The following DGKB variants were observed in gnomAD, a reference collection of about 807,000 sequenced individuals.
DGKB encodes diacylglycerol kinase beta.
DGKB carries 67 observed loss-of-function variants against 114.3 expected under a neutral mutation model. That is an observed-to-expected ratio of 0.59 (90% CI 0.48 to 0.72). DGKB has a LOEUF of 0.72. Ranked by LOEUF, DGKB falls within the 30% of genes least tolerant of loss-of-function variation. The pLI is 0.00. For synonymous variants in DGKB, 398 were observed against 323.1 expected, an observed-to-expected ratio of 1.23 and a Z score of -2.49; for missense variants, 907 against 975.2, an observed-to-expected ratio of 0.93 and a Z score of 0.93.
chr7:14,814,672 AACGTTAT>A (rs1843867813), intron 2 of DGKB, among the ~76,000 whole-genome samples: 1 of 152,154 alleles, frequency 6.6e-6, no homozygotes, highest in Non-Finnish European at 1.5e-5. Flanking sequence ...TCAACTGACA[AACGTTAT>A]TTTTCTCTGA....
intron 17 of DGKB, among the ~76,000 whole-genome samples, chr7:14,585,736 C>T (rs1055896149): frequency 1.3e-5 from 2 of 152,204 alleles, no homozygotes; most frequent in African/African-American, 4.8e-5. Flanking sequence ...TGTTTTCCAA[C>T]AGCACATGCT....
At position 14,718,642 on chromosome 7, in the gene DGKB, A is replaced by T. The variant is rs1280027532; in HGVS notation, c.366T>A (p.Thr122=). The change falls in exon 6 of 26, where the codon ACT becomes ACA. Residue 122 remains threonine, a synonymous_variant. Coordinates refer to ENST00000402815, the MANE Select transcript of DGKB (RefSeq NM_001350709.2). ...NKGAITPPRT[T]SPANTCSPEV... ...CTGGGGAACACGTATTTGCAGGAGA[A>T]GTAGTCCGGGGAGGGGTGATGGCAC... 2 of 1,612,736 alleles carry T rather than the reference A, an allele frequency of 1.2e-6. No individual in the cohort carries two copies. The highest frequency in any genetic ancestry group is 1.7e-5 in the Admixed American group (1 of 59,934).
chr7:14,938,400 C>A (rs1449706864), intron 1 of DGKB, among the ~76,000 whole-genome samples: 1 of 152,162 alleles, frequency 6.6e-6, no homozygotes, highest in Non-Finnish European at 1.5e-5. Flanking sequence ...CAATTAGGCA[C>A]TGAGTTTCCT....
chr7:14,560,929 T>C (rs1259841689), intron 20 of DGKB, among the ~76,000 whole-genome samples: 5 of 152,192 alleles, frequency 3.3e-5, no homozygotes, highest in African/African-American at 9.7e-5. Flanking sequence ...TTGATGTGAA[T>C]TTCCCTGATG....
chr7:14,627,569 T>C (rs1293572382), intron 14 of DGKB, among the ~76,000 whole-genome samples: 1 of 143,000 alleles, frequency 7.0e-6, no homozygotes, highest in Non-Finnish European at 1.5e-5. Context: ...TATAAAATAA[T>C]GTGTGTATGT....
chr7:14,255,453 T>A (rs925464471), intron 23 of DGKB, among the ~76,000 whole-genome samples: 4 of 152,122 alleles, frequency 2.6e-5, no homozygotes, highest in Non-Finnish European at 5.9e-5. Context: ...TGGCCCCTAA[T>A]TAAGTGGGAA....
chr7:14,418,735 T>TCATTAGCAA (rs1197834291), intron 21 of DGKB, among the ~76,000 whole-genome samples: 1 of 142,588 alleles, frequency 7.0e-6, no homozygotes. Context: ...TAGGTTAATT[T>TCATTAGCAA]CATTAGCATT....
chr7:14,746,502 T>G (rs899162778), intron 4 of DGKB, among the ~76,000 whole-genome samples: 1 of 152,160 alleles, frequency 6.6e-6, no homozygotes, highest in African/African-American at 2.4e-5. Flanking sequence ...ATTTTCCTTT[T>G]TTTATTTTTT....
upstream of DGKB, among the ~76,000 whole-genome samples, chr7:14,905,606 C>T (rs983944734): frequency 5.3e-5 from 8 of 152,056 alleles, no homozygotes; most frequent in African/African-American, 1.2e-4. Context: ...TATATAGAAA[C>T]GAATCATATT....
chr7:14,972,395 A>G (rs1328548065), intron 1 of DGKB, among the ~76,000 whole-genome samples: 1 of 152,184 alleles, frequency 6.6e-6, no homozygotes, highest in Admixed American at 6.6e-5. Context: ...TTTATAAGCA[A>G]CAATTTTTAT....
chr7:14,195,193 T>G (rs539302907), intron 23 of DGKB, among the ~76,000 whole-genome samples: 2 of 152,312 alleles, frequency 1.3e-5, no homozygotes, highest in South Asian at 4.1e-4. Flanking sequence ...TCACTTGTTT[T>G]CTGTGTGAAT....
upstream of DGKB, among the ~76,000 whole-genome samples, chr7:14,907,729 G>GGCA (rs1225096428): frequency 6.6e-6 from 1 of 152,250 alleles, no homozygotes; most frequent in East Asian, 1.9e-4. Context: ...GATTCTTAGG[G>GGCA]GCAGCAAGCT....
intron 20 of DGKB, among the ~76,000 whole-genome samples, chr7:14,503,060 T>C (rs751877989): frequency 2.0e-5 from 3 of 152,128 alleles, no homozygotes; most frequent in African/African-American, 7.2e-5. Flanking sequence ...TTCTCCCTTG[T>C]GATTTATGCC....
chr7:14,589,208 T>C (rs1236448301), intron 17 of DGKB, among the ~76,000 whole-genome samples: 3 of 152,032 alleles, frequency 2.0e-5, no homozygotes, highest in African/African-American at 7.2e-5. Flanking sequence ...TGCTGGCATA[T>C]ATAAACATAT....
intron 21 of DGKB, among the ~76,000 whole-genome samples, chr7:14,421,300 C>T (rs1563149081): frequency 6.6e-6 from 1 of 151,954 alleles, no homozygotes; most frequent in Non-Finnish European, 1.5e-5. Context: ...CTGTTCAAAT[C>T]CTTGTTCAAT....
chr7:14,967,457 A>C (rs1371092324), intron 1 of DGKB, among the ~76,000 whole-genome samples: 1 of 151,860 alleles, frequency 6.6e-6, no homozygotes, highest in Non-Finnish European at 1.5e-5. Flanking sequence ...AGTAGCTGGG[A>C]TTGTAGGCAT....
rs1437288045 is a variant in DGKB, at chr7:14,758,923, AGAT to A, written c.71-1195_71-1193del. On this transcript the variant is annotated intron_variant, in intron 2 of 25. Coordinates refer to ENST00000402815, the MANE Select transcript of DGKB (RefSeq NM_001350709.2). ...TAGATAGATAGATAGATAGATAGAT[AGAT>A]AGATAGATACATAGATAGATAGAGT... 1.8e-3 allele frequency among the ~76,000 whole-genome samples: 270 copies of A among 149,906 alleles called. 1 individual carries two copies. Among genetic ancestry groups the A allele is most frequent in the African/African-American group, 6.8e-3 (266 of 39,362 alleles).
At chr7:14,699,197 T>C (rs1824659564) in intron 7 of DGKB, among the ~76,000 whole-genome samples, 1 of 152,134 alleles carries the variant, frequency 6.6e-6, no homozygotes, top group South Asian at 2.1e-4. Flanking sequence ...AATACAAAGA[T>C]AAATGTATTT....
In DGKB at chr7:14,635,188, G is replaced by A. The variant is rs187684394; in HGVS notation, c.1135-4920C>T. ...ATGGTAAAATATATTTTTAACTGTG[G>A]TTACTTCACTACCCTTCAACTGTAA... On this transcript the variant is annotated intron_variant, in intron 13 of 25. Transcript: ENST00000402815. 4.6e-3 allele frequency among the ~76,000 whole-genome samples: 600 copies of A among 131,794 alleles called. 1 individual carries two copies. Among genetic ancestry groups the A allele is most frequent in the Non-Finnish European group, 7.4e-3 (459 of 61,962 alleles). The allele number at this position is 131,794 out of a possible 152,430, so 86.5% of individuals were successfully genotyped here.
Sources: allele counts gnomAD v4.1 joint callset (sites outside exome capture counted in the v4.1 genomes callset), GRCh38; gene constraint gnomAD v4.1.1; transcripts MANE v1.5; gene names NCBI Gene and HGNC (gene_info 2026-07-23, HGNC 2026-07-21).